TMTC1: variants seen among roughly 807,000 people sequenced by gnomAD.
TMTC1 encodes the protein protein O-mannosyl-transferase TMTC1.
In TMTC1, 73 loss-of-function variants were observed where a neutral mutation model predicts 104.8. The ratio of observed to expected loss-of-function variants is 0.70; its 90% CI spans 0.58 to 0.85. The LOEUF (loss-of-function observed/expected upper bound fraction) is 0.85. Ranked by LOEUF, TMTC1 falls within the 40% of genes least tolerant of loss-of-function variation. The probability of loss-of-function intolerance (pLI) is 0.00; values close to 1 mark genes in which losing one functional copy is unlikely to be tolerated. For synonymous variants in TMTC1, 434 were observed against 428.7 expected (o/e 1.01, Z -0.15); for missense variants, 1,035 against 1,096.1 (o/e 0.94, Z 0.79).
chr12:29,660,084 C>A (rs1285738683), intron 5 of TMTC1: 2 of 898,278 alleles, frequency 2.2e-6, no homozygotes, highest in African/African-American at 1.7e-5. Context: ...TCAGTCACCC[C>A]TTCCCTTAAA....
intron 5 of TMTC1, among the ~76,000 whole-genome samples, chr12:29,699,672 T>G (rs1941527122): frequency 8.2e-6 from 1 of 121,830 alleles, no homozygotes; most frequent in Non-Finnish European, 1.7e-5. Flanking sequence ...TTTTTTTTTT[T>G]TTGACAGGGT....
Position 29,708,944 on chromosome 12 carries a change from G to A in TMTC1, c.938+42722C>T, listed in dbSNP as rs902639241. Among the ~76,000 whole-genome samples, 5 of 152,058 alleles carry A rather than the reference G, an allele frequency of 3.3e-5. No individual in the cohort carries two copies. In the South Asian group the frequency reaches 6.2e-4, roughly 19 times the overall value. ...TAATTTCTTATTCTCCTAAACATAG[G>A]AGTATAAGAAAATATTGTTTTGTCA... On this transcript the variant is annotated intron_variant, in intron 5 of 17. Transcript: ENST00000539277.
chr12:29,554,673 G>A (rs118046181), intron 10 of TMTC1, among the ~76,000 whole-genome samples: 7 of 152,002 alleles, frequency 4.6e-5, no homozygotes, highest in African/African-American at 4.8e-5. Flanking sequence ...GTTTGAGACC[G>A]GCCTGGGTGA....
Position 29,610,273 on chromosome 12 carries a change from A to C in TMTC1, c.1129-5974T>G, listed in dbSNP as rs567593235. Among the ~76,000 whole-genome samples, 3 of 152,302 alleles carry C rather than the reference A, an allele frequency of 2.0e-5. No homozygotes were observed. In the East Asian group the frequency reaches 5.8e-4, roughly 29 times the overall value. ...GCACATCCCTGGCTTCGTCCTGTAC[A>C]TCACAGTCTTTCCATCATGTTTCAG... is the stretch of plus-strand genomic sequence containing the variant. On this transcript the variant is annotated intron_variant, in intron 6 of 17. Coordinates refer to ENST00000539277, the MANE Select transcript of TMTC1 (RefSeq NM_001193451.2).
chr12:29,541,585 A>G (rs1401019341), intron 10 of TMTC1, among the ~76,000 whole-genome samples: 3 of 151,984 alleles, frequency 2.0e-5, no homozygotes, highest in African/African-American at 7.3e-5. Flanking sequence ...CAAACCATTC[A>G]TAAAAAGCTT....
At chr12:29,717,823 T>G (rs1275486926) in intron 5 of TMTC1, among the ~76,000 whole-genome samples, 2 of 152,302 alleles carry the variant, frequency 1.3e-5, no homozygotes, top group East Asian at 3.9e-4. Flanking sequence ...ATGCACATCA[T>G]TATAACTAAT....
chr12:29,697,367 C>T lies in TMTC1; in HGVS notation c.938+54299G>A, dbSNP rs192078623. On this transcript the variant is annotated intron_variant, in intron 5 of 17. Coordinates refer to ENST00000539277, the MANE Select transcript of TMTC1 (RefSeq NM_001193451.2). Reference sequence around the variant, plus strand: ...CATTCCCGGTGTCTACTATGATAACCTCTCACAACTCAGAAATCTGAGGAT... The same window carrying T: ...CATTCCCGGTGTCTACTATGATAACTTCTCACAACTCAGAAATCTGAGGAT... Among the ~76,000 whole-genome samples, 27 of 152,294 alleles carry T rather than the reference C, an allele frequency of 1.8e-4. No individual in the cohort carries two copies. The East Asian group carries it at 4.4e-3, about 25-fold the overall frequency.
intron 5 of TMTC1, among the ~76,000 whole-genome samples, chr12:29,700,845 T>C (rs1941568666): frequency 6.6e-6 from 1 of 152,164 alleles, no homozygotes; most frequent in Non-Finnish European, 1.5e-5. Context: ...ATGCCTGGCA[T>C]ATAATCAGCA....
chr12:29,678,884 A>C (rs1263803304), intron 5 of TMTC1, among the ~76,000 whole-genome samples: 1 of 152,200 alleles, frequency 6.6e-6, no homozygotes, highest in Non-Finnish European at 1.5e-5. Flanking sequence ...ATGGGAGTAA[A>C]AATTTGTACA....
At chr12:29,601,585 C>T (rs755873182) in intron 7 of TMTC1, among the ~76,000 whole-genome samples, 4 of 151,976 alleles carry the variant, frequency 2.6e-5, no homozygotes, top group Non-Finnish European at 5.9e-5. Context: ...CTAAGATGTT[C>T]CTATCAGGGA....
chr12:29,520,759 C>T, intron 11 of TMTC1, 39 bp from the exon 12 acceptor site: 1 of 1,520,486 alleles, frequency 6.6e-7, no homozygotes, highest in Non-Finnish European at 9.0e-7. Context: ...AGTGAGAAAG[C>T]TTTCTAAAAC....
intron 8 of TMTC1, among the ~76,000 whole-genome samples, chr12:29,578,007 G>A (rs1027272405): frequency 6.6e-6 from 1 of 152,006 alleles, no homozygotes; most frequent in African/African-American, 2.4e-5. Flanking sequence ...GAAGGCAACT[G>A]TGATTATAGA....
chr12:29,690,710 A>G (rs1369373500), intron 5 of TMTC1, among the ~76,000 whole-genome samples: 1 of 152,184 alleles, frequency 6.6e-6, no homozygotes, highest in African/African-American at 2.4e-5. Context: ...TGTTTTCCCT[A>G]TTCTTTGTGT....
rs756211943 is a variant in TMTC1 at position 29,521,683 on chromosome 12, T to A, written c.1786-963A>T. ...CCTGGGCTCCAGTGATCCTCCCACCTCAGCTCCCTGAGTAGCTGGGATTAC... is the reference window on the plus strand; with the variant it reads ...CCTGGGCTCCAGTGATCCTCCCACCACAGCTCCCTGAGTAGCTGGGATTAC... On this transcript the variant is annotated intron_variant, in intron 11 of 17. Transcript: ENST00000539277. Among the ~76,000 whole-genome samples the A allele has an allele frequency of 2.9e-4, 43 of 146,678 alleles. 1 individual carries two copies. Among genetic ancestry groups the A allele is most frequent in the Non-Finnish European group, 8.9e-5 (6 of 67,102 alleles).
intron 7 of TMTC1, among the ~76,000 whole-genome samples, chr12:29,584,488 A>C (rs1189034704): frequency 6.6e-6 from 1 of 151,860 alleles, no homozygotes; most frequent in African/African-American, 2.4e-5. Flanking sequence ...CATGTGCACA[A>C]TGTGCAGGTT....
chr12:29,765,397 T>C (rs1245451877), intron 2 of TMTC1, among the ~76,000 whole-genome samples: 1 of 152,134 alleles, frequency 6.6e-6, no homozygotes, highest in Non-Finnish European at 1.5e-5. Flanking sequence ...AGGCTCTTCT[T>C]TAATTGGTAG....
At chr12:29,753,338 G>A (rs1209151022) in intron 4 of TMTC1, among the ~76,000 whole-genome samples, 1 of 152,142 alleles carries the variant, frequency 6.6e-6, no homozygotes, top group Non-Finnish European at 1.5e-5. Context: ...CTGTGTAACT[G>A]TCATGGTGCC....
At chr12:29,607,265 T>C (rs1178504258) in intron 6 of TMTC1, among the ~76,000 whole-genome samples, 1 of 152,254 alleles carries the variant, frequency 6.6e-6, no homozygotes, top group Non-Finnish European at 1.5e-5. Context: ...GTGAGCTCCA[T>C]GAGCACAGAG....
chr12:29,738,963 G>A (rs1287810671), intron 5 of TMTC1, among the ~76,000 whole-genome samples: 31 of 152,086 alleles, frequency 2.0e-4, no homozygotes, highest in Non-Finnish European at 2.9e-5. Context: ...AAAATACTGA[G>A]CTTTCACAAA....
Sources: allele counts gnomAD v4.1 joint callset (sites outside exome capture counted in the v4.1 genomes callset), GRCh38; gene constraint gnomAD v4.1.1; transcripts MANE v1.5; gene names NCBI Gene and HGNC (gene_info 2026-07-23, HGNC 2026-07-21).